Variants in BTBD9 observed in about 807,000 individuals in gnomAD.
BTBD9 encodes BTB domain containing 9.
In BTBD9, 49 loss-of-function variants were observed where a neutral mutation model predicts 64.3. That is an observed-to-expected ratio of 0.76 (90% CI 0.61 to 0.97). BTBD9 has a LOEUF of 0.97. BTBD9 is among the 50% of genes least tolerant of loss of function. The pLI, the probability that BTBD9 is intolerant of heterozygous loss-of-function variation, is 0.00. For missense variants in BTBD9, 598 were observed against 762.1 expected (o/e 0.78, Z 2.53); for synonymous variants, 260 against 274.7 (o/e 0.95, Z 0.53).
intron 6 of BTBD9, among the ~76,000 whole-genome samples, chr6:38,427,998 G>A (rs1262726179): frequency 1.3e-5 from 2 of 151,886 alleles, no homozygotes; most frequent in South Asian, 2.1e-4. Context: ...ATTTGCATAA[G>A]TCAAGGTACT....
intron 7 of BTBD9, among the ~76,000 whole-genome samples, chr6:38,288,991 G>A (rs1761859159): frequency 6.6e-6 from 1 of 152,092 alleles, no homozygotes; most frequent in Non-Finnish European, 1.5e-5. Flanking sequence ...CTTATACAAA[G>A]TTTTCAACAA....
At chr6:38,423,917 T>C (rs1012629472) in intron 6 of BTBD9, among the ~76,000 whole-genome samples, 1 of 152,032 alleles carries the variant, frequency 6.6e-6, no homozygotes, top group Non-Finnish European at 1.5e-5. Context: ...CATGTTCAGC[T>C]TTTTCACTTC....
chr6:38,579,793 G>GT lies in BTBD9; in HGVS notation c.1034+424dup, dbSNP rs371670523. Among the ~76,000 whole-genome samples the GT allele has an allele frequency of 1.6e-3, 250 of 152,168 alleles. 1 individual carries two copies. Among genetic ancestry groups the GT allele is most frequent in the African/African-American group, 5.9e-3 (245 of 41,518 alleles). On this transcript the variant is annotated intron_variant, in intron 5 of 10. Coordinates refer to ENST00000481247, the MANE Select transcript of BTBD9 (RefSeq NM_001099272.2). ...TTTTAAAGGGTAGAGTGTTCACAAT[G>GT]TATTAATTTAAAAGTAAAATTAGCT... is the stretch of plus-strand genomic sequence containing the variant.
intron 7 of BTBD9, among the ~76,000 whole-genome samples, chr6:38,297,228 T>C (rs1417495080): frequency 6.6e-6 from 1 of 152,092 alleles, no homozygotes; most frequent in East Asian, 1.9e-4. Flanking sequence ...TAGCTGGGCA[T>C]GGTGGCGCGC....
At chr6:38,317,815 C>A (rs1307146587) in intron 7 of BTBD9, among the ~76,000 whole-genome samples, 1 of 151,958 alleles carries the variant, frequency 6.6e-6, no homozygotes, top group Non-Finnish European at 1.5e-5. Context: ...ATGTCCATTG[C>A]ATTTTTCAAT....
chr6:38,258,015 TCA>T (rs1350399522), intron 8 of BTBD9, among the ~76,000 whole-genome samples: 3 of 152,008 alleles, frequency 2.0e-5, no homozygotes, highest in Non-Finnish European at 4.4e-5. Context: ...AGATGGAGTC[TCA>T]CTCTGTCTCC....
At chr6:38,585,938 C>CCACACACACACACACACACA (rs10660204) in intron 4 of BTBD9, among the ~76,000 whole-genome samples, 2 of 140,756 alleles carry the variant, frequency 1.4e-5, no homozygotes, top group African/African-American at 5.3e-5. Flanking sequence ...ACAGGACAGA[C>CCACACACACACACACACACA]CACACACACA....
intron 7 of BTBD9, among the ~76,000 whole-genome samples, chr6:38,330,188 G>A (rs1763619628): frequency 6.6e-6 from 1 of 151,900 alleles, no homozygotes; most frequent in Non-Finnish European, 1.5e-5. Context: ...CTGAATAGCT[G>A]GCATTACAGG....
chr6:38,376,113 GCCA>G (rs933151377), intron 6 of BTBD9, among the ~76,000 whole-genome samples: 1 of 152,108 alleles, frequency 6.6e-6, no homozygotes, highest in Non-Finnish European at 1.5e-5. Context: ...AGTACAGGAA[GCCA>G]CAAAAGAAAA....
chr6:38,268,526 G>A (rs16890522), intron 8 of BTBD9, among the ~76,000 whole-genome samples: 3,372 of 152,272 alleles, frequency 0.022, 131 homozygotes, highest in Admixed American at 0.093. Context: ...AGGGATGAAC[G>A]ACCGGCAAAA....
chr6:38,267,856 T>C (rs1582139427), intron 8 of BTBD9, among the ~76,000 whole-genome samples: 1 of 152,000 alleles, frequency 6.6e-6, no homozygotes, highest in Non-Finnish European at 1.5e-5. Context: ...AGGAGAATGG[T>C]GTGAACCCAG....
At chr6:38,247,089 C>A (rs1271342723) in intron 9 of BTBD9, among the ~76,000 whole-genome samples, 1 of 150,840 alleles carries the variant, frequency 6.6e-6, no homozygotes, top group Non-Finnish European at 1.5e-5. Context: ...GATTAAGAAA[C>A]AAAGCAGGCA....
chr6:38,332,418 C>T (rs1763713219), intron 7 of BTBD9, among the ~76,000 whole-genome samples: 1 of 152,158 alleles, frequency 6.6e-6, no homozygotes, highest in Admixed American at 6.5e-5. Context: ...CGGTTCTTAA[C>T]TGATGTGAGA....
intron 2 of BTBD9, among the ~76,000 whole-genome samples, chr6:38,597,059 T>C (rs967169374): frequency 7.9e-5 from 12 of 152,166 alleles, no homozygotes; most frequent in African/African-American, 2.4e-4. Context: ...ATGTGTAAGA[T>C]TGGAAGTTCA....
chr6:38,189,371 C>G (rs763660828), intron 10 of BTBD9, among the ~76,000 whole-genome samples: 2 of 152,228 alleles, frequency 1.3e-5, no homozygotes, highest in Non-Finnish European at 2.9e-5. Flanking sequence ...TTCCATTGTT[C>G]TCTAAGATAG....
At chr6:38,462,191 T>A (rs1027291858) in intron 6 of BTBD9, among the ~76,000 whole-genome samples, 3 of 152,204 alleles carry the variant, frequency 2.0e-5, no homozygotes, top group African/African-American at 7.2e-5. Context: ...TTTTCTTTTA[T>A]GAATTGTTCT....
intron 9 of BTBD9, among the ~76,000 whole-genome samples, chr6:38,218,700 C>T (rs765267348): frequency 4.0e-4 from 61 of 152,208 alleles, no homozygotes; most frequent in Middle Eastern, 3.4e-3. Flanking sequence ...GTGTGTGGCA[C>T]GGACAGAAGC....
At chr6:38,240,084 G>A (rs1291687584) in intron 9 of BTBD9, among the ~76,000 whole-genome samples, 3 of 152,204 alleles carry the variant, frequency 2.0e-5, no homozygotes, top group Admixed American at 1.3e-4. Context: ...GAAGATCTGA[G>A]CTCAAGGCAC....
At chr6:38,474,384 G>A (rs994554913) in intron 6 of BTBD9, among the ~76,000 whole-genome samples, 2 of 152,108 alleles carry the variant, frequency 1.3e-5, no homozygotes, top group Non-Finnish European at 1.5e-5. Flanking sequence ...TTAGCCAGGC[G>A]AGGTGGTACA....
Sources: gnomAD v4.1 joint callset for allele counts (sites outside exome capture counted in the v4.1 genomes callset) on GRCh38, gnomAD v4.1.1 for gene constraint, MANE v1.5 for transcripts, NCBI Gene and HGNC (gene_info 2026-07-23, HGNC 2026-07-21) for gene names.